Variants in PLA2G4C observed in about 807,000 individuals in gnomAD.
PLA2G4C encodes the protein phospholipase A2 group IVC, also known as cytosolic phospholipase A2 gamma.
PLA2G4C carries 64 observed loss-of-function variants against 73.8 expected under a neutral mutation model. The ratio of observed to expected loss-of-function variants is 0.87; its 90% confidence interval spans 0.71 to 1.07. The LOEUF (loss-of-function observed/expected upper bound fraction) is 1.07, where lower values mean the gene tolerates loss of function less well. PLA2G4C is among the 50% of genes least tolerant of loss of function. The pLI, the probability that PLA2G4C is intolerant of heterozygous loss-of-function variation, is 0.00. For missense variants in PLA2G4C, 622 were observed against 665.4 expected, an observed-to-expected ratio of 0.93 and a Z score of 0.72; for synonymous variants, 254 against 252.1, an observed-to-expected ratio of 1.01 and a Z score of -0.07.
intron 14 of PLA2G4C, among the ~76,000 whole-genome samples, chr19:48,055,629 C>T (rs1967911744): frequency 1.4e-5 from 1 of 71,330 alleles, no homozygotes; most frequent in African/African-American, 5.4e-5. Context: ...ATAATGTCAC[C>T]GTGAAGGTAC....
intron 8 of PLA2G4C, among the ~76,000 whole-genome samples, chr19:48,089,221 G>A (rs544103176): frequency 3.3e-5 from 5 of 152,284 alleles, no homozygotes; most frequent in Admixed American, 2.0e-4. Context: ...GAGGTCAGGA[G>A]TTCAAGACCA....
Position 48,099,858 on chromosome 19 carries a change from G to A in PLA2G4C, c.260C>T (p.Ala87Val). 2 of 1,608,950 alleles carry A rather than the reference G, an allele frequency of 1.2e-6. No homozygotes were observed. Among genetic ancestry groups the A allele is most frequent in the South Asian group, 1.1e-5 (1 of 90,824 alleles). The change falls in exon 5 of 17, where the codon GCA becomes GTA. Residue 87 changes from alanine to valine, a missense_variant and splice_region_variant. Physicochemically the swap from Ala to Val is moderately conservative, Grantham distance 64. Transcript: ENST00000599921. ...YLAGVSGSTW[A>V]ISSLYTNDGD... is the part of the protein sequence containing the mutation. Reference sequence around the variant, plus strand: ...ATCATTGGTGTAGAGAGAAGATATTGCCCTGGAGGACAGAGGAAGAGAGTG... The same window carrying A: ...ATCATTGGTGTAGAGAGAAGATATTACCCTGGAGGACAGAGGAAGAGAGTG...
intron 4 of PLA2G4C, 83 bp from the exon 5 acceptor site, chr19:48,099,943 T>TG: frequency 1.1e-6 from 1 of 907,546 alleles, no homozygotes; most frequent in Non-Finnish European, 1.7e-6. Context: ...AAGGAGGTCC[T>TG]TCACAGGAAC....
intron 4 of PLA2G4C, among the ~76,000 whole-genome samples, chr19:48,101,674 CTTTT>C (rs71181648): frequency 2.3e-5 from 3 of 131,818 alleles, no homozygotes; most frequent in Non-Finnish European, 1.6e-5. Context: ...CCTTTAATAT[CTTTT>C]TTTTTTTTTT....
chr19:48,067,893 A>G lies in PLA2G4C; in HGVS notation c.1007-7T>C. 1 of 1,605,008 alleles carries G rather than the reference A, an allele frequency of 6.2e-7. No homozygotes were observed. The highest frequency in any genetic ancestry group is 8.5e-7 in the Non-Finnish European group (1 of 1,171,656). On this transcript the variant is annotated splice_polypyrimidine_tract_variant and splice_region_variant and intron_variant, in intron 12 of 16. Coordinates refer to ENST00000599921, the MANE Select transcript of PLA2G4C (RefSeq NM_003706.3). ...ATCAAGTTACTGAGTGAGCCTAGGG[A>G]AAGAAGCCGAGACAGCCAAGGTGAG...
At chr19:48,096,071 G>A (rs1393002546) in intron 6 of PLA2G4C, among the ~76,000 whole-genome samples, 5 of 152,140 alleles carry the variant, frequency 3.3e-5, no homozygotes, top group Non-Finnish European at 1.5e-5. Context: ...GGACAGCTTG[G>A]GATGGGCGGG....
intron 4 of PLA2G4C, among the ~76,000 whole-genome samples, chr19:48,100,406 C>T (rs112379632): frequency 0.13 from 19,791 of 151,040 alleles, 1,400 homozygotes; most frequent in African/African-American, 0.19. Context: ...TGGTGGGTAC[C>T]TCTAGTGCCG....
intron 13 of PLA2G4C, chr19:48,063,810 A>G (rs1173201410): frequency 6.6e-6 from 1 of 151,758 alleles, no homozygotes; most frequent in Admixed American, 6.6e-5. Flanking sequence ...AGAATCATTT[A>G]CAATCTATTC....
intron 14 of PLA2G4C, among the ~76,000 whole-genome samples, chr19:48,057,045 C>G (rs910661212): frequency 2.0e-5 from 3 of 151,956 alleles, no homozygotes; most frequent in African/African-American, 7.3e-5. Flanking sequence ...AGGCTTAATA[C>G]TGGGGCGATG....
At chr19:48,062,826 A>G (rs1968242233) in intron 13 of PLA2G4C, among the ~76,000 whole-genome samples, 1 of 152,100 alleles carries the variant, frequency 6.6e-6, no homozygotes, top group Non-Finnish European at 1.5e-5. Flanking sequence ...CAGTGTAGAA[A>G]GTTTATTTTG....
intron 1 of PLA2G4C, among the ~76,000 whole-genome samples, chr19:48,110,149 C>T (rs1320277566): frequency 6.6e-6 from 1 of 150,676 alleles, no homozygotes; most frequent in Admixed American, 6.6e-5. Flanking sequence ...AGTTTGAGAC[C>T]AGCCTGGCCA....
At chr19:48,053,370 T>TC (rs960174273) in intron 15 of PLA2G4C, among the ~76,000 whole-genome samples, 23 of 142,828 alleles carry the variant, frequency 1.6e-4, no homozygotes, top group Admixed American at 2.8e-4. Context: ...TTTTCTTTTT[T>TC]TTTTTTTTTT....
intron 13 of PLA2G4C, chr19:48,063,844 C>T (rs1414369744): frequency 1.3e-5 from 2 of 151,644 alleles, no homozygotes; most frequent in African/African-American, 4.8e-5. Flanking sequence ...CTACCTGGAG[C>T]CTTCATCAGT....
intron 3 of PLA2G4C, among the ~76,000 whole-genome samples, chr19:48,105,082 CAAAAAAAA>C (rs3083068): frequency 1.1e-5 from 1 of 87,618 alleles, no homozygotes; most frequent in Admixed American, 1.4e-4. Flanking sequence ...GACGTTGTCT[CAAAAAAAA>C]AAAAAAAAAA....
At chr19:48,075,152 C>CCATT (rs955027507) in intron 11 of PLA2G4C, among the ~76,000 whole-genome samples, 3 of 140,782 alleles carry the variant, frequency 2.1e-5, no homozygotes, top group East Asian at 2.1e-4. Context: ...GCAAAGTCTC[C>CCATT]CATTTATTTA....
At chr19:48,080,993 C>CAAAAAAAAAA (rs34388817) in intron 10 of PLA2G4C, among the ~76,000 whole-genome samples, 319 of 101,642 alleles carry the variant, frequency 3.1e-3, no homozygotes, top group Middle Eastern at 6.8e-3. Flanking sequence ...ACTAAAAATA[C>CAAAAAAAAAA]AAAAAAAAAA....
chr19:48,055,061 G>A lies in PLA2G4C; in HGVS notation c.1258-12C>T. On this transcript the variant is annotated splice_polypyrimidine_tract_variant and intron_variant, in intron 14 of 16. Transcript: ENST00000599921. ...GTAGCCCGGATGGTCTGAGAAGGAG[G>A]CAATAAGAAATGGTTGCAAGACCTC... 6.3e-7 allele frequency: 1 copy of A among 1,586,568 alleles called. No individual in the cohort carries two copies. Among genetic ancestry groups the A allele is most frequent in the East Asian group, 2.2e-5 (1 of 44,684 alleles).
intron 10 of PLA2G4C, among the ~76,000 whole-genome samples, chr19:48,079,215 G>A (rs562294967): frequency 6.6e-6 from 1 of 152,016 alleles, no homozygotes; most frequent in East Asian, 1.9e-4. Context: ...CATAGCCAAA[G>A]CAAAGACTAA....
chr19:48,105,262 T>G, intron 3 of PLA2G4C, 71 bp downstream of exon 3: 2 of 958,900 alleles, frequency 2.1e-6, no homozygotes, highest in Non-Finnish European at 3.3e-6. Flanking sequence ...CTGGCTGAGT[T>G]GGGCCCTGGA....
Sources: allele counts gnomAD v4.1 joint callset (sites outside exome capture counted in the v4.1 genomes callset), GRCh38; gene constraint gnomAD v4.1.1; transcripts MANE v1.5; gene names NCBI Gene and HGNC (gene_info 2026-07-23, HGNC 2026-07-21).